Variants in INSR observed in about 807,000 individuals in gnomAD.
INSR encodes the protein IR.
INSR carries 67 observed loss-of-function variants against 142.6 expected under a neutral mutation model. That is an observed-to-expected ratio of 0.47 (90% CI 0.39 to 0.58). INSR has a LOEUF of 0.58. Among genes scored for constraint, INSR ranks in the 20% least tolerant of loss-of-function variants. The pLI is 0.00. For synonymous variants in INSR, 756 were observed against 743.1 expected, an observed-to-expected ratio of 1.02 and a Z score of -0.28; for missense variants, 1,248 against 1,833.2, an observed-to-expected ratio of 0.68 and a Z score of 5.83.
intron 1 of INSR, among the ~76,000 whole-genome samples, chr19:7,284,786 C>T (rs777340936): frequency 7.2e-5 from 11 of 152,172 alleles, no homozygotes; most frequent in Non-Finnish European, 1.3e-4. Flanking sequence ...CCTCGGACTC[C>T]CAAAGCGCTG....
At position 7,215,848 on chromosome 19, in the gene INSR, C is replaced by T. The variant is rs536150149; in HGVS notation, c.653-31211G>A. ...CCTCCCAAAGTGCTGGGATTACAGG[C>T]GTGAGCCACCACACCCAACCCTGAG... On this transcript the variant is annotated intron_variant, in intron 2 of 21. Transcript: ENST00000302850. 3.1e-3 allele frequency among the ~76,000 whole-genome samples: 475 copies of T among 151,082 alleles called. 3 individuals are homozygous for T. The highest frequency in any genetic ancestry group is 0.014 in the South Asian group (65 of 4,692).
chr19:7,204,335 G>A (rs1975045204), intron 2 of INSR, among the ~76,000 whole-genome samples: 1 of 152,000 alleles, frequency 6.6e-6, no homozygotes, highest in Admixed American at 6.6e-5. Flanking sequence ...GATTACAGAC[G>A]TGAGCCACCA....
chr19:7,158,442 A>G (rs1248243299), intron 9 of INSR, among the ~76,000 whole-genome samples: 1 of 152,202 alleles, frequency 6.6e-6, no homozygotes, highest in Non-Finnish European at 1.5e-5. Context: ...CGGAGCTTGC[A>G]GTGAGCCGAG....
intron 17 of INSR, among the ~76,000 whole-genome samples, chr19:7,124,540 G>GAAAAAAAAA (rs1972576085): frequency 9.3e-5 from 1 of 10,810 alleles, no homozygotes; most frequent in Non-Finnish European, 1.5e-4. Context: ...CTCCGTTTCA[G>GAAAAAAAAA]GAAAAAAAAA....
intron 14 of INSR, among the ~76,000 whole-genome samples, chr19:7,129,536 G>A (rs193275298): frequency 2.6e-5 from 4 of 151,994 alleles, no homozygotes; most frequent in Non-Finnish European, 5.9e-5. Context: ...TGCTGGCCAG[G>A]CTGGCCTCAA....
At chr19:7,247,099 C>T (rs1976560916) in intron 2 of INSR, among the ~76,000 whole-genome samples, 3 of 152,216 alleles carry the variant, frequency 2.0e-5, no homozygotes, top group Admixed American at 1.3e-4. Flanking sequence ...CCCCAGTTAA[C>T]ACACTGCCCC....
At chr19:7,193,970 C>T (rs62111417) in intron 2 of INSR, among the ~76,000 whole-genome samples, 112,862 of 151,814 alleles carry the variant, frequency 0.74, 42,198 homozygotes, top group African/African-American at 0.8. Flanking sequence ...CCAAACTGGG[C>T]ATAGGCGTAA....
intron 9 of INSR, among the ~76,000 whole-genome samples, chr19:7,162,209 C>T (rs1003203494): frequency 2.0e-5 from 3 of 151,818 alleles, no homozygotes; most frequent in African/African-American, 7.2e-5. Flanking sequence ...CGCCTGTAGT[C>T]CCAGCTACTC....
At chr19:7,243,234 GTTTTTTTTTTTTTT>G (rs1161289283) in intron 2 of INSR, among the ~76,000 whole-genome samples, 1 of 68,178 alleles carries the variant, frequency 1.5e-5, no homozygotes, top group Non-Finnish European at 2.5e-5. Context: ...CACTGTTTTG[GTTTTTTTTTTTTTT>G]TTTTTTTTTT....
At chr19:7,262,438 A>C (rs970528651) in intron 2 of INSR, among the ~76,000 whole-genome samples, 2 of 152,096 alleles carry the variant, frequency 1.3e-5, no homozygotes, top group African/African-American at 4.8e-5. Context: ...CACCATTGCA[A>C]TCCAGCCTGG....
chr19:7,289,074 A>C (rs776438788), intron 1 of INSR, among the ~76,000 whole-genome samples: 3 of 152,124 alleles, frequency 2.0e-5, no homozygotes, highest in Admixed American at 6.6e-5. Flanking sequence ...AGAAGAACTT[A>C]GGCACAGGTG....
intron 2 of INSR, among the ~76,000 whole-genome samples, chr19:7,243,634 A>G (rs890635141): frequency 6.6e-6 from 1 of 152,160 alleles, no homozygotes; most frequent in Admixed American, 6.6e-5. Flanking sequence ...GTTACCTGCT[A>G]TTTCATTTTA....
At chr19:7,149,993 C>T (rs1263893618) in intron 11 of INSR, among the ~76,000 whole-genome samples, 1 of 143,872 alleles carries the variant, frequency 7.0e-6, no homozygotes, top group African/African-American at 2.7e-5. Flanking sequence ...AGGAAGAGAT[C>T]CCTGACTCTC....
intron 2 of INSR, among the ~76,000 whole-genome samples, chr19:7,206,790 G>A (rs1975116570): frequency 6.6e-6 from 1 of 152,028 alleles, no homozygotes; most frequent in African/African-American, 2.4e-5. Context: ...CAAAAAAAGA[G>A]TCATCAAGGA....
intron 3 of INSR, among the ~76,000 whole-genome samples, chr19:7,183,263 G>GGGGT (rs1974321162): frequency 6.8e-6 from 1 of 146,480 alleles, no homozygotes; most frequent in African/African-American, 2.5e-5. Context: ...GTTGTTTTGT[G>GGGGT]GTGTGTGTGT....
intron 1 of INSR, chr19:7,268,306 CAAGGAA>C (rs1568229699): frequency 2.4e-6 from 1 of 421,384 alleles, no homozygotes; most frequent in Non-Finnish European, 3.2e-6. Flanking sequence ...AGAAATGGGG[CAAGGAA>C]AGCTAAATGT....
At chr19:7,124,992 T>G (rs939021404) in intron 17 of INSR, among the ~76,000 whole-genome samples, 3 of 151,944 alleles carry the variant, frequency 2.0e-5, no homozygotes, top group African/African-American at 4.8e-5. Flanking sequence ...TGGTGGAAGA[T>G]TCCAGAAAAT....
chr19:7,141,906 G>T, intron 12 of INSR, 90 bp from the exon 13 acceptor site: 1 of 1,054,222 alleles, frequency 9.5e-7, no homozygotes, highest in Non-Finnish European at 1.5e-6. Context: ...TTGGGCTGGT[G>T]ACGTCATTTT....
chr19:7,142,862 T>A lies in INSR; in HGVS notation c.2496A>T (p.Glu832Asp). Residue 832 changes from glutamate (E) to aspartate (D), a missense_variant, in exon 12 of 22, where the codon GAA becomes GAT. By Grantham distance (45) the Glu-to-Asp change is conservative (BLOSUM62 2). Around this residue, in one of 3 missense-constraint regions of INSR, gnomAD observed 1,069 missense variants for 1,654.0 expected, o/e 0.65. Coordinates refer to ENST00000302850, the MANE Select transcript of INSR (RefSeq NM_000208.4). ...LQACNQDTPE[E>D]RCSVAAYVSA... is the part of the protein sequence containing the mutation. ...TGACGTAGGCTGCCACACTGCACCG[T>A]TCCTCAGGGGTGTCCTGGTTGCAAG... 6.2e-7 allele frequency: 1 copy of A among 1,614,040 alleles called. No homozygotes were observed. Among genetic ancestry groups the A allele is most frequent in the Non-Finnish European group, 8.5e-7 (1 of 1,180,006 alleles).
Sources: allele counts gnomAD v4.1 joint callset (sites outside exome capture counted in the v4.1 genomes callset), GRCh38; gene constraint gnomAD v4.1.1; regional missense constraint gnomAD v4.1.1; transcripts MANE v1.5; gene names NCBI Gene and HGNC (gene_info 2026-07-23, HGNC 2026-07-21).